C2orf49: variants seen among roughly 807,000 people sequenced by gnomAD.
The protein encoded by C2orf49 is tRNA splicing ligase complex subunit 2, also known as tRNA-splicing ligase complex subunit ASW.
In C2orf49, 11 loss-of-function variants were observed where a neutral mutation model predicts 20.6. That is an observed-to-expected ratio of 0.53 (90% confidence interval 0.34 to 0.88). The LOEUF (loss-of-function observed/expected upper bound fraction) is 0.88, where lower values mean the gene tolerates loss of function less well. Among genes scored for constraint, C2orf49 ranks in the 40% least tolerant of loss-of-function variants. The pLI, the probability that C2orf49 is intolerant of heterozygous loss-of-function variation, is 0.02. For missense variants in C2orf49, 289 were observed against 274.2 expected, an observed-to-expected ratio of 1.05 and a Z score of -0.38; for synonymous variants, 134 against 108.5, an observed-to-expected ratio of 1.24 and a Z score of -1.46.
chr2:105,374,593 G>A, the C2orf49 span: 1 of 152,058 alleles, frequency 6.6e-6, no homozygotes, highest in South Asian at 2.1e-4. Flanking sequence ...GAGAGGCCCT[G>A]AGAAGACAGA....
the C2orf49 span, among the ~76,000 whole-genome samples, chr2:105,377,108 T>G: frequency 6.6e-6 from 1 of 152,170 alleles, no homozygotes; most frequent in Non-Finnish European, 1.5e-5. Context: ...TTGGCGATGA[T>G]CTTGAGCAGT....
chr2:105,370,316 AG>A, the C2orf49 span, among the ~76,000 whole-genome samples: 2 of 152,056 alleles, frequency 1.3e-5, no homozygotes, highest in African/African-American at 4.8e-5. Context: ...TCAAGGCTGC[AG>A]TGAGCAGTGA....
intron 3 of C2orf49, among the ~76,000 whole-genome samples, chr2:105,343,959 T>TATC: frequency 6.6e-6 from 1 of 152,208 alleles, no homozygotes; most frequent in South Asian, 2.1e-4. Context: ...TTATTATTAT[T>TATC]ATCATCTAAT....
At chr2:105,373,337 C>A in the C2orf49 span, among the ~76,000 whole-genome samples, 1 of 152,214 alleles carries the variant, frequency 6.6e-6, no homozygotes, top group African/African-American at 2.4e-5. Context: ...GACTGCATAA[C>A]ACTGCCCCAC....
chr2:105,343,429 C>G (rs1281970601), intron 3 of C2orf49, among the ~76,000 whole-genome samples: 1 of 152,232 alleles, frequency 6.6e-6, no homozygotes, highest in East Asian at 1.9e-4. Flanking sequence ...TTTAAAAGTT[C>G]ACTCAAGTTA....
the C2orf49 span, among the ~76,000 whole-genome samples, chr2:105,366,839 G>A: frequency 4.6e-5 from 7 of 152,244 alleles, no homozygotes; most frequent in South Asian, 4.1e-4. Flanking sequence ...TCCACCTCCC[G>A]GGTTCAAGTG....
the C2orf49 span, among the ~76,000 whole-genome samples, chr2:105,355,854 G>A: frequency 6.6e-6 from 1 of 150,920 alleles, no homozygotes; most frequent in Non-Finnish European, 1.5e-5. Flanking sequence ...TACAGCACAG[G>A]TGGCAGGTTT....
chr2:105,346,158 A>G lies in C2orf49; in HGVS notation c.*787A>G, dbSNP rs1384734557. The G allele has an allele frequency of 1.3e-5, 2 of 152,194 alleles. No individual in the cohort carries two copies. The highest frequency in any genetic ancestry group is 6.5e-5 in the Admixed American group (1 of 15,286). The allele number at this position is 152,194 out of a possible 1,614,324, so 9.4% of individuals were successfully genotyped here. Reference sequence around the variant, plus strand: ...ACAGTATTTTAGTAAATACTGCAACATTCATCCTTAAATGTTCACCAAGAA... The same window carrying G: ...ACAGTATTTTAGTAAATACTGCAACGTTCATCCTTAAATGTTCACCAAGAA... On this transcript the variant is annotated 3_prime_UTR_variant, in exon 4 of 4. Coordinates refer to ENST00000258457, the MANE Select transcript of C2orf49 (RefSeq NM_024093.3).
At chr2:105,349,800 A>G (rs1239633048), downstream of C2orf49, among the ~76,000 whole-genome samples, 1 of 152,224 alleles carries the variant, frequency 6.6e-6, no homozygotes, top group Non-Finnish European at 1.5e-5. Flanking sequence ...AAGATACTAT[A>G]TTTTGAAGAG....
At chr2:105,363,332 C>T in the C2orf49 span, 4 of 1,614,206 alleles carry the variant, frequency 2.5e-6, no homozygotes, top group Non-Finnish European at 3.4e-6. Context: ...ATACAAGTCA[C>T]AGAAGCAGTT....
the C2orf49 span, among the ~76,000 whole-genome samples, chr2:105,381,090 C>T: frequency 3.9e-5 from 6 of 152,076 alleles, no homozygotes; most frequent in Non-Finnish European, 8.8e-5. Flanking sequence ...CAGACTGAAA[C>T]GTCTGGCTCT....
the C2orf49 span, among the ~76,000 whole-genome samples, chr2:105,364,910 T>C: frequency 1.2e-3 from 177 of 152,346 alleles, 1 homozygote; most frequent in African/African-American, 4.0e-3. Context: ...TGTATTCTTT[T>C]CATTAAACCA....
At position 105,337,545 on chromosome 2, in the gene C2orf49, C is replaced by G. The variant is rs201450516; in HGVS notation, c.-43C>G. The G allele has an allele frequency of 2.4e-4, 390 of 1,612,198 alleles. No homozygotes were observed. The African/African-American group carries it at 4.7e-3, about 19-fold the overall frequency. On this transcript the variant is annotated 5_prime_UTR_variant, in exon 1 of 4. Coordinates refer to ENST00000258457, the MANE Select transcript of C2orf49 (RefSeq NM_024093.3). ...CGTCACTTCCGCAACGCTTCCTTCG[C>G]GGGGCTTTGTGGGTAGCCGACTGGG...
chr2:105,343,342 C>G, intron 3 of C2orf49, 119 bp downstream of exon 3: 5 of 945,858 alleles, frequency 5.3e-6, no homozygotes, highest in Non-Finnish European at 7.6e-6. Context: ...TTTTGATGGT[C>G]TGTCTGATTT....
the C2orf49 span, chr2:105,376,370 C>G: frequency 6.6e-6 from 1 of 152,292 alleles, no homozygotes; most frequent in South Asian, 2.1e-4. Flanking sequence ...TTAAAAAAAT[C>G]CAGAAACGAC....
chr2:105,373,700 C>T, the C2orf49 span: 1 of 1,614,182 alleles, frequency 6.2e-7, no homozygotes, highest in Non-Finnish European at 8.5e-7. Flanking sequence ...TGGAAACAGG[C>T]TTCATGCCAG....
the C2orf49 span, among the ~76,000 whole-genome samples, chr2:105,369,170 A>G: frequency 6.6e-6 from 1 of 152,128 alleles, no homozygotes; most frequent in Non-Finnish European, 1.5e-5. Context: ...CATACATGTG[A>G]CTTCAACTGG....
intron 3 of C2orf49, among the ~76,000 whole-genome samples, chr2:105,344,874 G>A (rs1479019014): frequency 6.6e-6 from 1 of 152,052 alleles, no homozygotes; most frequent in African/African-American, 2.4e-5. Flanking sequence ...CACCTGCCCA[G>A]CCTATTTGCA....
At chr2:105,382,307 C>T in the C2orf49 span, among the ~76,000 whole-genome samples, 2 of 152,184 alleles carry the variant, frequency 1.3e-5, no homozygotes, top group Non-Finnish European at 2.9e-5. Context: ...AGGTGGTCAC[C>T]ATCTCTTACT....
Sources: gnomAD v4.1 joint callset for allele counts (sites outside exome capture counted in the v4.1 genomes callset) on GRCh38, gnomAD v4.1.1 for gene constraint, MANE v1.5 for transcripts, NCBI Gene and HGNC (gene_info 2026-07-23, HGNC 2026-07-21) for gene names.